Variants in VPS8 observed in about 807,000 individuals in gnomAD.
The protein encoded by VPS8 is VPS8 subunit of CORVET complex, also known as vacuolar protein sorting-associated protein 8 homolog.
In VPS8, 129 loss-of-function variants were observed where a neutral mutation model predicts 216.4. That is an observed-to-expected ratio of 0.60 (90% confidence interval 0.52 to 0.69). The LOEUF is 0.69. Ranked by LOEUF, VPS8 falls within the 30% of genes least tolerant of loss-of-function variation. VPS8 has a pLI of 0.00. For missense variants in VPS8, 1,531 were observed against 1,683.5 expected (o/e 0.91, Z 1.59); for synonymous variants, 571 against 565.4 (o/e 1.01, Z -0.14).
rs1733088284 is a variant in VPS8, at chr3:184,894,817, A to G, written c.1896A>G (p.Thr632=). The G allele has an allele frequency of 6.2e-7, 1 of 1,610,754 alleles. No individual in the cohort carries two copies. The highest frequency in any genetic ancestry group is 8.5e-7 in the Non-Finnish European group (1 of 1,178,300). ...TAAGTGATAAATTGGTGGGAATCAC[A>G]CCCCAAGTAATGAAAGACTTGATTG... The part of the protein sequence containing the change: ...YILSDKLVGI[T]PQVMKDLIVH... Residue 632 remains threonine (T), a synonymous_variant, in exon 23 of 48, where the codon ACA becomes ACG. Transcript: ENST00000625842.
At chr3:184,839,550 T>C (rs1268110677) in intron 6 of VPS8, 148 bp from the exon 7 acceptor site, 4 of 700,134 alleles carry the variant, frequency 5.7e-6, no homozygotes, top group Admixed American at 3.3e-5. Flanking sequence ...TCATTTCCCG[T>C]TTTGCCTCCT....
At chr3:185,010,985 C>T (rs955097783) in intron 45 of VPS8, among the ~76,000 whole-genome samples, 21 of 151,756 alleles carry the variant, frequency 1.4e-4, no homozygotes, top group East Asian at 1.2e-3. Context: ...GGCACCAAAG[C>T]GAGACCCTAT....
chr3:184,965,708 A>G (rs993416629), intron 38 of VPS8, among the ~76,000 whole-genome samples: 1 of 152,244 alleles, frequency 6.6e-6, no homozygotes, highest in Non-Finnish European at 1.5e-5. Flanking sequence ...CATAAAGACT[A>G]CGCTGGTGAC....
chr3:184,825,306 A>G (rs1718514361), intron 2 of VPS8, among the ~76,000 whole-genome samples: 1 of 152,230 alleles, frequency 6.6e-6, no homozygotes, highest in African/African-American at 2.4e-5. Context: ...AGACACTGGC[A>G]TGCAGCTATG....
intron 25 of VPS8, among the ~76,000 whole-genome samples, chr3:184,905,850 T>A (rs1014286053): frequency 2.0e-5 from 3 of 152,078 alleles, no homozygotes; most frequent in African/African-American, 7.2e-5. Flanking sequence ...GGTTTTTTTT[T>A]AACCAAACAA....
chr3:184,872,553 T>A (rs1052632526), intron 21 of VPS8, among the ~76,000 whole-genome samples: 1 of 152,090 alleles, frequency 6.6e-6, no homozygotes, highest in Non-Finnish European at 1.5e-5. Flanking sequence ...AGAAGTCTCA[T>A]TCTGTTGGTA....
At chr3:184,920,473 C>T (rs989155849) in intron 29 of VPS8, among the ~76,000 whole-genome samples, 4 of 152,138 alleles carry the variant, frequency 2.6e-5, no homozygotes, top group African/African-American at 4.8e-5. Flanking sequence ...AGTATGATTA[C>T]GTGTAATAAT....
chr3:184,856,687 T>C (rs1725325451), intron 14 of VPS8, among the ~76,000 whole-genome samples: 1 of 152,214 alleles, frequency 6.6e-6, no homozygotes, highest in South Asian at 2.1e-4. Flanking sequence ...GTCTAAATCA[T>C]GTACATGTCT....
intron 40 of VPS8, 89 bp from the exon 41 acceptor site, chr3:184,982,477 A>G: frequency 1.1e-6 from 1 of 914,722 alleles, no homozygotes; most frequent in Non-Finnish European, 1.7e-6. Flanking sequence ...TCAACCTGTA[A>G]AACATCATGC....
intron 37 of VPS8, among the ~76,000 whole-genome samples, chr3:184,959,607 C>T (rs1746159606): frequency 6.6e-6 from 1 of 152,046 alleles, no homozygotes; most frequent in Admixed American, 6.5e-5. Context: ...GTGTTTCAAA[C>T]AAGTCATAAA....
chr3:184,988,467 C>T (rs761341249), intron 42 of VPS8, among the ~76,000 whole-genome samples: 32 of 152,122 alleles, frequency 2.1e-4, no homozygotes, highest in Non-Finnish European at 3.5e-4. Flanking sequence ...CTTAGTTTAC[C>T]ATATTCATAT....
chr3:185,008,960 G>A (rs1252617625), intron 45 of VPS8, among the ~76,000 whole-genome samples: 1 of 152,230 alleles, frequency 6.6e-6, no homozygotes, highest in Non-Finnish European at 1.5e-5. Context: ...CTTTAGATTA[G>A]GAGACAAATG....
chr3:184,953,169 G>A lies in VPS8; in HGVS notation c.3036-4205G>A, dbSNP rs563280577. Among the ~76,000 whole-genome samples the A allele has an allele frequency of 5.3e-5, 8 of 152,242 alleles. No individual in the cohort carries two copies. In the East Asian group the frequency reaches 5.8e-4, roughly 11 times the overall value. ...ACATTGAGGTTTGCAGTGAGAGAAC[G>A]GAGGGCATTTATTTGCAGGGCACCA... On this transcript the variant is annotated intron_variant, in intron 36 of 47. Coordinates refer to ENST00000625842, the MANE Select transcript of VPS8 (RefSeq NM_001009921.3).
intron 35 of VPS8, 103 bp downstream of exon 35, chr3:184,936,438 T>C: frequency 5.4e-6 from 6 of 1,117,092 alleles, no homozygotes; most frequent in Non-Finnish European, 7.8e-6. Flanking sequence ...TCAGTTGACA[T>C]TTATTAGCAG....
At chr3:185,006,346 G>A (rs1754243408) in intron 45 of VPS8, among the ~76,000 whole-genome samples, 1 of 152,102 alleles carries the variant, frequency 6.6e-6, no homozygotes, top group Non-Finnish European at 1.5e-5. Flanking sequence ...TTATTTTACA[G>A]CTGTAGGAAC....
chr3:185,016,673 C>CT (rs1240060235), intron 45 of VPS8, among the ~76,000 whole-genome samples: 1 of 152,118 alleles, frequency 6.6e-6, no homozygotes, highest in African/African-American at 2.4e-5. Context: ...CTGTAATGTC[C>CT]CCATTGGTTG....
At chr3:184,861,163 T>G (rs1726307537) in intron 15 of VPS8, among the ~76,000 whole-genome samples, 1 of 152,214 alleles carries the variant, frequency 6.6e-6, no homozygotes, top group Non-Finnish European at 1.5e-5. Context: ...GTATCAAATT[T>G]TATTTTTTCT....
At chr3:184,829,746 A>G (rs1719594098) in intron 3 of VPS8, among the ~76,000 whole-genome samples, 1 of 152,116 alleles carries the variant, frequency 6.6e-6, no homozygotes, top group Admixed American at 6.5e-5. Context: ...TCACATCATG[A>G]TTTTAATTTG....
intron 45 of VPS8, among the ~76,000 whole-genome samples, chr3:185,020,429 C>T (rs1756479385): frequency 6.7e-6 from 1 of 149,690 alleles, no homozygotes; most frequent in South Asian, 2.1e-4. Flanking sequence ...AAATTTCTGT[C>T]ACTGAACATG....
Sources: allele counts gnomAD v4.1 joint callset (sites outside exome capture counted in the v4.1 genomes callset), GRCh38; gene constraint gnomAD v4.1.1; transcripts MANE v1.5; gene names NCBI Gene and HGNC (gene_info 2026-07-23, HGNC 2026-07-21).